The following RASA3 variants were observed in gnomAD, a reference collection of about 807,000 sequenced individuals.
RASA3 encodes the protein ras GTPase-activating protein 3.
RASA3 carries 73 observed loss-of-function variants against 110.0 expected under a neutral mutation model. That is an observed-to-expected ratio of 0.66 (90% CI 0.55 to 0.81). RASA3 has a LOEUF of 0.81. Ranked by LOEUF, RASA3 falls within the 30% of genes least tolerant of loss-of-function variation. The pLI is 0.00. For missense variants in RASA3, 976 were observed against 1,113.2 expected, an observed-to-expected ratio of 0.88 and a Z score of 1.75; for synonymous variants, 500 against 451.4, an observed-to-expected ratio of 1.11 and a Z score of -1.37.
intron 2 of RASA3, among the ~76,000 whole-genome samples, chr13:114,061,760 G>A (rs2079354909): frequency 1.3e-5 from 2 of 152,072 alleles, no homozygotes; most frequent in Admixed American, 1.3e-4. Flanking sequence ...CGATCCTTAA[G>A]CGAACTGCTC....
At position 114,057,263 on chromosome 13, in the gene RASA3, C is replaced by A; in HGVS notation, c.174-5108G>T. The A allele has an allele frequency of 3.0e-6, 3 of 985,438 alleles. No homozygotes were observed. Among genetic ancestry groups the A allele is most frequent in the Non-Finnish European group, 3.6e-6 (3 of 829,932 alleles). 61.0% of individuals were successfully genotyped at this position (985,438 alleles called of 1,614,324 possible). ...TTCCTGCGGGTCACCTCAAGTCTTT[C>A]AGGAAACCAGGCAGGACATCTGCAG... On this transcript the variant is annotated intron_variant, in intron 2 of 23. Transcript: ENST00000334062. The surrounding 1 kb of genome is among the most constrained non-coding windows in gnomAD (Gnocchi z 5.0).
Position 114,057,602 on chromosome 13 carries a change from A to G in RASA3, c.174-5447T>C. ...ACCTCTCCCCACAATGACTGTGCAC[A>G]GAGCCAGCCTGACACCCAAGGCCAC... On this transcript the variant is annotated intron_variant, in intron 2 of 23. Transcript: ENST00000334062. The surrounding 1 kb of genome is among the most constrained non-coding windows in gnomAD (Gnocchi z 5.0). 1.2e-6 allele frequency: 1 copy of G among 819,996 alleles called. No individual in the cohort carries two copies. Among genetic ancestry groups the G allele is most frequent in the Non-Finnish European group, 1.5e-6 (1 of 679,414 alleles). 50.8% of individuals were successfully genotyped at this position (819,996 alleles called of 1,614,324 possible).
Position 114,032,736 on chromosome 13 carries a change from TCCATGGCACCCCCACACTGACACCACGCC to T in RASA3, c.373-2878_373-2850del, listed in dbSNP as rs1202672196. Reference sequence around the variant, plus strand: ...GGCACCCCTACACTTGACACCACGTTCCATGGCACCCCCACACTGACACCACGCCCCACGGCACCCCCACACTGACACCA... The same window carrying T: ...GGCACCCCTACACTTGACACCACGTTCCACGGCACCCCCACACTGACACCA... On this transcript the variant is annotated intron_variant, in intron 4 of 23. Coordinates refer to ENST00000334062, the MANE Select transcript of RASA3 (RefSeq NM_007368.4). Among the ~76,000 whole-genome samples the T allele has an allele frequency of 3.9e-3, 269 of 69,612 alleles. 3 individuals are homozygous for T. Among genetic ancestry groups the T allele is most frequent in the African/African-American group, 0.014 (237 of 17,318 alleles). The allele number at this position is 69,612 out of a possible 152,430, so 45.7% of individuals were successfully genotyped here.
At position 114,126,441 on chromosome 13, in the gene RASA3, G is replaced by A. The variant is rs151207448; in HGVS notation, c.55+5994C>T. Among the ~76,000 whole-genome samples the A allele has an allele frequency of 2.4e-3, 360 of 152,070 alleles. 2 individuals are homozygous for A. The highest frequency in any genetic ancestry group is 8.2e-3 in the African/African-American group (340 of 41,418). On this transcript the variant is annotated intron_variant, in intron 1 of 23. Coordinates refer to ENST00000334062, the MANE Select transcript of RASA3 (RefSeq NM_007368.4). ...CCTGAGACCTCACTCTCTCTTCAGG[G>A]GCAAGTTCAAAGCTACCCCTCCCAG...
At chr13:114,068,229 A>G (rs1020472120) in intron 2 of RASA3, among the ~76,000 whole-genome samples, 5 of 152,226 alleles carry the variant, frequency 3.3e-5, no homozygotes, top group African/African-American at 1.2e-4. Flanking sequence ...AGGGGGGGCC[A>G]GGGCTCCGCG....
intron 1 of RASA3, among the ~76,000 whole-genome samples, chr13:114,106,253 G>T (rs116832239): frequency 6.6e-6 from 1 of 152,164 alleles, no homozygotes; most frequent in Non-Finnish European, 1.5e-5. Context: ...GTATCTCCAC[G>T]GAGCAAAATA....
At chr13:113,995,673 A>AGCTGATGGGGGCCCG (rs200492937) in intron 21 of RASA3, among the ~76,000 whole-genome samples, 1 of 94,752 alleles carries the variant, frequency 1.1e-5, no homozygotes, top group South Asian at 4.2e-4. Context: ...CGGAGGACCC[A>AGCTGATGGGGGCCCG]GCTGATGGGG....
At chr13:114,060,797 G>A (rs906129675) in intron 2 of RASA3, among the ~76,000 whole-genome samples, 2 of 152,252 alleles carry the variant, frequency 1.3e-5, no homozygotes, top group African/African-American at 4.8e-5. Flanking sequence ...TGGCTTGAAA[G>A]GGAGGCAGAG....
chr13:114,041,490 G>C (rs1483342760), intron 3 of RASA3, among the ~76,000 whole-genome samples: 1 of 152,254 alleles, frequency 6.6e-6, no homozygotes, highest in Non-Finnish European at 1.5e-5. Flanking sequence ...GGCAATGTGC[G>C]CCTCACTTTC....
chr13:114,022,283 C>A (rs2053942791), intron 8 of RASA3, among the ~76,000 whole-genome samples: 1 of 152,198 alleles, frequency 6.6e-6, no homozygotes, highest in African/African-American at 2.4e-5. Flanking sequence ...CCCCTCAGAC[C>A]TGGGGCTGTG....
At chr13:114,069,885 CCGGGAGACTCAGGGGT>C (rs1367775629) in intron 2 of RASA3, among the ~76,000 whole-genome samples, 2 of 11,468 alleles carry the variant, frequency 1.7e-4, no homozygotes, top group Non-Finnish European at 2.7e-4. Flanking sequence ...GACTCAGGGG[CCGGGAGACTCAGGGGT>C]CAGGAGACTG....
At chr13:114,083,052 G>A (rs2079807794) in intron 1 of RASA3, among the ~76,000 whole-genome samples, 1 of 152,226 alleles carries the variant, frequency 6.6e-6, no homozygotes, top group Non-Finnish European at 1.5e-5. Context: ...AGTGTGATAT[G>A]TGTCGACCAT....
In RASA3 at chr13:114,056,353, C is replaced by T. The variant is rs9525361; in HGVS notation, c.174-4198G>A. On this transcript the variant is annotated intron_variant, in intron 2 of 23. Transcript: ENST00000334062. This position sits in a 1 kb window ranked among gnomAD's most constrained non-coding sequence, Gnocchi z 5.7. ...GCCAGCGCTAAGCACACCCCACAAA[C>T]GGGCGCCGCGCACCTGGCATTTAAC... The T allele has an allele frequency of 0.054, 41,701 of 774,734 alleles. 4,683 individuals carry two copies. Among genetic ancestry groups the T allele is most frequent in the African/African-American group, 0.38 (20,172 of 52,830 alleles). The allele number at this position is 774,734 out of a possible 1,614,324, so 48.0% of individuals were successfully genotyped here. A position where few individuals can be genotyped will look rare whatever the true frequency, so the allele number is the denominator to read the frequency against.
At chr13:114,016,072 C>T in intron 13 of RASA3, 125 bp downstream of exon 13, 1 of 770,278 alleles carries the variant, frequency 1.3e-6, no homozygotes, top group East Asian at 2.9e-5. Context: ...AGGCGGGTAT[C>T]CCCACGCCTG....
chr13:114,063,531 GAC>G (rs1401127228), intron 2 of RASA3, among the ~76,000 whole-genome samples: 1 of 152,192 alleles, frequency 6.6e-6, no homozygotes, highest in Non-Finnish European at 1.5e-5. Flanking sequence ...TGTTCCCTGT[GAC>G]AGAGTCAGCT....
rs1459147954 is a variant in RASA3, at chr13:114,057,132, T to C, written c.174-4977A>G. On this transcript the variant is annotated intron_variant, in intron 2 of 23. Transcript: ENST00000334062. The surrounding 1 kb of genome is among the most constrained non-coding windows in gnomAD (Gnocchi z 5.0). ...AGGCGATGGGTGAGTGTTTTGCATG[T>C]CTGATGTCGTTTATTCTAGTGGTTC... is the stretch of plus-strand genomic sequence containing the variant. 2 of 897,828 alleles carry C rather than the reference T, an allele frequency of 2.2e-6. No homozygotes were observed. Among genetic ancestry groups the C allele is most frequent in the East Asian group, 2.4e-4 (2 of 8,390 alleles). 55.6% of individuals were successfully genotyped at this position (897,828 alleles called of 1,614,324 possible).
In RASA3 at chr13:114,014,449, A is replaced by G. The variant is rs984938781; in HGVS notation, c.1405+760T>C. Among the ~76,000 whole-genome samples, 4 of 152,166 alleles carry G rather than the reference A, an allele frequency of 2.6e-5. No individual in the cohort carries two copies. Among genetic ancestry groups the G allele is most frequent in the Non-Finnish European group, 5.9e-5 (4 of 68,012 alleles). Reference sequence around the variant, plus strand: ...GACACAGAAGCGTGGACGGCTCTGCAGGACCATGGCCACCCCGGGGTGTCT... The same window carrying G: ...GACACAGAAGCGTGGACGGCTCTGCGGGACCATGGCCACCCCGGGGTGTCT... On this transcript the variant is annotated intron_variant, in intron 14 of 23. Transcript: ENST00000334062. This position sits in a 1 kb window ranked among gnomAD's most constrained non-coding sequence, Gnocchi z 4.5.
In RASA3 at chr13:114,096,014, G is replaced by T. The variant is rs899429460; in HGVS notation, c.56-22177C>A. Among the ~76,000 whole-genome samples, 1 of 152,196 alleles carries T rather than the reference G, an allele frequency of 6.6e-6. No individual in the cohort carries two copies. The highest frequency in any genetic ancestry group is 1.9e-4 in the East Asian group (1 of 5,192). On this transcript the variant is annotated intron_variant, in intron 1 of 23. Coordinates refer to ENST00000334062, the MANE Select transcript of RASA3 (RefSeq NM_007368.4). The surrounding 1 kb of genome is among the most constrained non-coding windows in gnomAD (Gnocchi z 5.1). ...AATCAACGTTAATTTTTCACACAAC[G>T]ACTGGGAAAATCTGCCTACAGGAAG...
chr13:113,991,952 C>T (rs1472762599), intron 22 of RASA3, among the ~76,000 whole-genome samples: 3 of 145,712 alleles, frequency 2.1e-5, no homozygotes, highest in African/African-American at 5.6e-5. Context: ...TTCACACACA[C>T]TCACACACGT....
Sources: allele counts gnomAD v4.1 joint callset (sites outside exome capture counted in the v4.1 genomes callset), GRCh38; gene constraint gnomAD v4.1.1; non-coding constraint Gnocchi (gnomAD v3.1); transcripts MANE v1.5; gene names NCBI Gene and HGNC (gene_info 2026-07-23, HGNC 2026-07-21).